TMEM132D: variants seen among roughly 807,000 people sequenced by gnomAD.
TMEM132D encodes mature OL transmembrane protein.
Under a neutral mutation model 62.3 loss-of-function variants are expected in TMEM132D, and 21 were observed. The ratio of observed to expected loss-of-function variants is 0.34; its 90% CI spans 0.24 to 0.49. The LOEUF (loss-of-function observed/expected upper bound fraction) is 0.49. Among genes scored for constraint, TMEM132D ranks in the 20% least tolerant of loss-of-function variants. TMEM132D has a pLI of 0.99. For synonymous variants in TMEM132D, 621 were observed against 575.6 expected, an observed-to-expected ratio of 1.08 and a Z score of -1.13; for missense variants, 1,346 against 1,402.8, an observed-to-expected ratio of 0.96 and a Z score of 0.65.
chr12:129,340,699 G>C (rs1869446291), intron 3 of TMEM132D, among the ~76,000 whole-genome samples: 1 of 152,090 alleles, frequency 6.6e-6, no homozygotes. Flanking sequence ...TCTTAATCCA[G>C]TCTATCATTG....
At chr12:129,159,510 G>A (rs1012059581) in intron 5 of TMEM132D, among the ~76,000 whole-genome samples, 5 of 152,008 alleles carry the variant, frequency 3.3e-5, no homozygotes, top group Non-Finnish European at 5.9e-5. Flanking sequence ...TAATCTCAGC[G>A]CTTTGGGAGG....
chr12:129,244,358 C>A (rs1317506246), intron 4 of TMEM132D, among the ~76,000 whole-genome samples: 38 of 140,490 alleles, frequency 2.7e-4, no homozygotes, highest in African/African-American at 1.0e-3. Context: ...TGCACTCCAG[C>A]CTGGGCGACA....
At chr12:129,661,541 G>A (rs1276034200) in intron 2 of TMEM132D, among the ~76,000 whole-genome samples, 21 of 152,216 alleles carry the variant, frequency 1.4e-4, no homozygotes, top group Admixed American at 1.4e-3. Context: ...CTTCTGTAAA[G>A]ACCTAACTAC....
intron 1 of TMEM132D, among the ~76,000 whole-genome samples, chr12:129,730,892 C>T (rs1316113962): frequency 6.6e-6 from 1 of 152,100 alleles, no homozygotes; most frequent in East Asian, 1.9e-4. Flanking sequence ...GAAGGCTGTG[C>T]TGTTGGTTTC....
chr12:129,416,182 C>T (rs1872115390), intron 3 of TMEM132D, among the ~76,000 whole-genome samples: 1 of 152,212 alleles, frequency 6.6e-6, no homozygotes, highest in Non-Finnish European at 1.5e-5. Context: ...TTCTTCCTAT[C>T]CATGAGCATG....
At chr12:129,149,374 T>C (rs1302815593) in intron 5 of TMEM132D, among the ~76,000 whole-genome samples, 1 of 151,788 alleles carries the variant, frequency 6.6e-6, no homozygotes, top group Admixed American at 6.6e-5. Flanking sequence ...TGCACGTGTA[T>C]CCCAGAACTT....
chr12:129,666,644 C>T (rs1880385009), intron 2 of TMEM132D, among the ~76,000 whole-genome samples: 1 of 152,154 alleles, frequency 6.6e-6, no homozygotes, highest in Non-Finnish European at 1.5e-5. Context: ...TGGATAGCCA[C>T]GCCCGTAGCT....
At chr12:129,901,736 A>T (rs1875358586) in intron 1 of TMEM132D, among the ~76,000 whole-genome samples, 1 of 152,186 alleles carries the variant, frequency 6.6e-6, no homozygotes, top group Non-Finnish European at 1.5e-5. Context: ...CTATGTACCT[A>T]AGTGAAAAAA....
chr12:129,546,663 T>C (rs1876745359), intron 2 of TMEM132D, among the ~76,000 whole-genome samples: 1 of 151,962 alleles, frequency 6.6e-6, no homozygotes, highest in African/African-American at 2.4e-5. Flanking sequence ...TAGCCAGGCG[T>C]GGTGGCATAC....
At chr12:129,710,751 T>C (rs534820233) in intron 1 of TMEM132D, among the ~76,000 whole-genome samples, 9 of 152,316 alleles carry the variant, frequency 5.9e-5, no homozygotes, top group Admixed American at 5.9e-4. Context: ...AGGCGAACAC[T>C]TGAAAGCCCG....
chr12:129,200,734 T>A (rs1878682923), intron 5 of TMEM132D, among the ~76,000 whole-genome samples: 1 of 152,072 alleles, frequency 6.6e-6, no homozygotes, highest in Admixed American at 6.5e-5. Context: ...ACCACTCTCC[T>A]CTCCTCAGGA....
At chr12:129,172,876 C>T (rs1341036935) in intron 5 of TMEM132D, among the ~76,000 whole-genome samples, 1 of 152,174 alleles carries the variant, frequency 6.6e-6, no homozygotes, top group East Asian at 1.9e-4. Flanking sequence ...TGCACCCGGC[C>T]TGGCCTCATT....
At chr12:129,720,798 C>T (rs896510) in intron 1 of TMEM132D, among the ~76,000 whole-genome samples, 78,403 of 152,102 alleles carry the variant, frequency 0.52, 20,620 homozygotes, top group Middle Eastern at 0.63. Flanking sequence ...TGATAATCAA[C>T]GTATCAATAA....
intron 3 of TMEM132D, among the ~76,000 whole-genome samples, chr12:129,380,986 T>C (rs2135687060): frequency 6.6e-6 from 1 of 152,312 alleles, no homozygotes; most frequent in South Asian, 2.1e-4. Context: ...GTCAGATGGC[T>C]GTTTGGATAA....
At chr12:129,421,327 C>A (rs1872319028) in intron 3 of TMEM132D, among the ~76,000 whole-genome samples, 1 of 152,024 alleles carries the variant, frequency 6.6e-6, no homozygotes, top group African/African-American at 2.4e-5. Context: ...TATTCAGCAT[C>A]CATTAAAATA....
At chr12:129,801,508 A>T (rs1476141716) in intron 1 of TMEM132D, among the ~76,000 whole-genome samples, 2 of 151,652 alleles carry the variant, frequency 1.3e-5, no homozygotes, top group African/African-American at 4.9e-5. Flanking sequence ...TAACAAACAG[A>T]AAGGACATCC....
At chr12:129,504,373 C>T (rs770755614) in intron 3 of TMEM132D, among the ~76,000 whole-genome samples, 1 of 152,148 alleles carries the variant, frequency 6.6e-6, no homozygotes, top group Non-Finnish European at 1.5e-5. Flanking sequence ...TCCATCTGGT[C>T]CTGAACTATT....
chr12:129,196,368 T>A (rs1878552810), intron 5 of TMEM132D, among the ~76,000 whole-genome samples: 1 of 152,214 alleles, frequency 6.6e-6, no homozygotes, highest in Non-Finnish European at 1.5e-5. Flanking sequence ...CTCATTTAAA[T>A]TATCTCCTGC....
intron 5 of TMEM132D, among the ~76,000 whole-genome samples, chr12:129,094,368 A>G (rs1477536367): frequency 6.6e-6 from 1 of 152,250 alleles, no homozygotes; most frequent in African/African-American, 2.4e-5. Context: ...AAAAGTGGGC[A>G]AAGGATATGA....
Sources: allele counts gnomAD v4.1 joint callset (sites outside exome capture counted in the v4.1 genomes callset), GRCh38; gene constraint gnomAD v4.1.1; transcripts MANE v1.5; gene names NCBI Gene and HGNC (gene_info 2026-07-23, HGNC 2026-07-21).